Variants in NRXN3 observed in about 807,000 individuals in gnomAD.
NRXN3 encodes neurexin III.
In NRXN3, 32 loss-of-function variants were observed where a neutral mutation model predicts 137.6. The observed-to-expected ratio is 0.23, with a 90% confidence interval of 0.18 to 0.31. NRXN3 has a LOEUF of 0.31. Among genes scored for constraint, NRXN3 ranks in the 10% least tolerant of loss-of-function variants. The probability of loss-of-function intolerance (pLI) is 1.00; values close to 1 mark genes in which losing one functional copy is unlikely to be tolerated. For missense variants in NRXN3, 1,574 were observed against 2,062.5 expected (o/e 0.76, Z 4.59); for synonymous variants, 798 against 784.5 (o/e 1.02, Z -0.29).
At chr14:78,527,837 A>G (rs961070724) in intron 4 of NRXN3, among the ~76,000 whole-genome samples, 5 of 152,236 alleles carry the variant, frequency 3.3e-5, no homozygotes, top group African/African-American at 1.2e-4. Flanking sequence ...CTTATTGAGA[A>G]GAAATGCCTT....
At chr14:79,364,412 G>T (rs2093799373) in intron 15 of NRXN3, among the ~76,000 whole-genome samples, 1 of 152,156 alleles carries the variant, frequency 6.6e-6, no homozygotes, top group Non-Finnish European at 1.5e-5. Flanking sequence ...TCACTTCGAA[G>T]TATGGGATGC....
chr14:78,840,161 G>T (rs1041900335), intron 10 of NRXN3, among the ~76,000 whole-genome samples: 3 of 152,126 alleles, frequency 2.0e-5, no homozygotes, highest in Admixed American at 1.3e-4. Context: ...AAGTAGGAAT[G>T]GACATAAAGA....
intron 15 of NRXN3, among the ~76,000 whole-genome samples, chr14:79,251,107 T>G (rs2075861560): frequency 6.6e-6 from 1 of 152,214 alleles, no homozygotes; most frequent in African/African-American, 2.4e-5. Flanking sequence ...AATACTATTA[T>G]GCAGAGTTAG....
At position 78,464,887 on chromosome 14, in the gene NRXN3, A is replaced by G. The variant is rs530258823; in HGVS notation, c.757+167027A>G. 2.4e-4 allele frequency among the ~76,000 whole-genome samples: 36 copies of G among 152,320 alleles called. 1 individual carries two copies. The South Asian group carries it at 7.0e-3, about 30-fold the overall frequency. On this transcript the variant is annotated intron_variant, in intron 4 of 20. Coordinates refer to ENST00000335750, the MANE Select transcript of NRXN3 (RefSeq NM_001330195.2). ...CTCATCATTCCTCCTCCGAATTCTC[A>G]GTCGTATTCTTACTTATCCATTATC...
At chr14:78,221,515 G>A (rs1300304939) in intron 1 of NRXN3, among the ~76,000 whole-genome samples, 1 of 152,174 alleles carries the variant, frequency 6.6e-6, no homozygotes, top group Non-Finnish European at 1.5e-5. Context: ...GTGGATGTGG[G>A]AGAGTAATCT....
intron 16 of NRXN3, among the ~76,000 whole-genome samples, chr14:79,568,884 T>C (rs1169532900): frequency 1.3e-5 from 2 of 152,160 alleles, no homozygotes; most frequent in Non-Finnish European, 2.9e-5. Context: ...TGGCTAATAA[T>C]TGTGCTCTGA....
intron 14 of NRXN3, among the ~76,000 whole-genome samples, chr14:78,970,596 C>T (rs2099434415): frequency 6.6e-6 from 1 of 152,030 alleles, no homozygotes; most frequent in Admixed American, 6.6e-5. Flanking sequence ...GAGGTCTAAG[C>T]TTTATAAAAG....
intron 15 of NRXN3, among the ~76,000 whole-genome samples, chr14:79,333,240 A>G (rs1405871135): frequency 1.3e-5 from 2 of 151,978 alleles, no homozygotes; most frequent in African/African-American, 4.8e-5. Flanking sequence ...GACTCTAATA[A>G]GAAAAGAGTC....
At chr14:79,161,772 G>A (rs1245629540) in intron 15 of NRXN3, among the ~76,000 whole-genome samples, 1 of 151,914 alleles carries the variant, frequency 6.6e-6, no homozygotes, top group East Asian at 1.9e-4. Context: ...GGGAGACAGG[G>A]AGCTGTCCGT....
At chr14:79,240,376 C>T (rs984566403) in intron 15 of NRXN3, among the ~76,000 whole-genome samples, 1 of 152,088 alleles carries the variant, frequency 6.6e-6, no homozygotes, top group Non-Finnish European at 1.5e-5. Flanking sequence ...CAAAGGTAGC[C>T]TCTCTTGGGA....
At chr14:79,801,117 C>G (rs2099178341) in intron 19 of NRXN3, among the ~76,000 whole-genome samples, 1 of 152,160 alleles carries the variant, frequency 6.6e-6, no homozygotes, top group Non-Finnish European at 1.5e-5. Context: ...ATGTTTGTAA[C>G]TGCTTTGGGA....
intron 4 of NRXN3, among the ~76,000 whole-genome samples, chr14:78,437,326 TTTTTC>T (rs1046241288): frequency 1.3e-5 from 2 of 151,374 alleles, no homozygotes; most frequent in Non-Finnish European, 2.9e-5. Flanking sequence ...GTGGTTTATT[TTTTTC>T]TTTTCTTTTC....
intron 6 of NRXN3, among the ~76,000 whole-genome samples, chr14:78,653,990 T>G (rs2097766941): frequency 6.6e-6 from 1 of 152,236 alleles, no homozygotes; most frequent in Non-Finnish European, 1.5e-5. Flanking sequence ...GATAAACTCC[T>G]GCCCCGTCTG....
chr14:79,125,938 A>C (rs2056349615), intron 15 of NRXN3, among the ~76,000 whole-genome samples: 1 of 152,124 alleles, frequency 6.6e-6, no homozygotes, highest in Non-Finnish European at 1.5e-5. Flanking sequence ...CGTTAAAAGC[A>C]TGTTTTCTAC....
At position 79,486,913 on chromosome 14, in the gene NRXN3, TTCTCTCTCTCTCTCTCTCTCTCTC is replaced by T. The variant is rs58861355; in HGVS notation, c.3444+19536_3444+19559del. Among the ~76,000 whole-genome samples the T allele has an allele frequency of 9.6e-4, 123 of 128,546 alleles. 1 individual carries two copies. The highest frequency in any genetic ancestry group is 3.9e-3 in the African/African-American group (115 of 29,774). The allele number at this position is 128,546 out of a possible 152,430, so 84.3% of individuals were successfully genotyped here. On this transcript the variant is annotated intron_variant, in intron 16 of 20. Transcript: ENST00000335750. ...CCTTCTATTAAACTCTCTTTACAGG[TTCTCTCTCTCTCTCTCTCTCTCTC>T]TCTCTCTCTCTCTCTCTCTCTCTCC...
chr14:79,824,033 G>T (rs2099281598), intron 20 of NRXN3: 1 of 369,486 alleles, frequency 2.7e-6, no homozygotes. Context: ...ACACGAAGTG[G>T]CTTTCACCAG....
intron 15 of NRXN3, among the ~76,000 whole-genome samples, chr14:79,230,482 A>G (rs751407121): frequency 5.3e-5 from 8 of 152,172 alleles, no homozygotes; most frequent in Non-Finnish European, 1.0e-4. Context: ...TGAGGCATCA[A>G]TCTACCTTCT....
At chr14:79,174,501 T>TTATA (rs68143466) in intron 15 of NRXN3, among the ~76,000 whole-genome samples, 325 of 143,530 alleles carry the variant, frequency 2.3e-3, no homozygotes, top group African/African-American at 7.3e-3. Flanking sequence ...ATTGAAAGTT[T>TTATA]TATATATATA....
At chr14:78,951,303 G>A (rs968323764) in intron 10 of NRXN3, among the ~76,000 whole-genome samples, 2 of 152,062 alleles carry the variant, frequency 1.3e-5, no homozygotes, top group Admixed American at 6.6e-5. Context: ...GAGCTTTCAG[G>A]TTTGTACCAT....
Sources: allele counts gnomAD v4.1 joint callset (sites outside exome capture counted in the v4.1 genomes callset), GRCh38; gene constraint gnomAD v4.1.1; transcripts MANE v1.5; gene names NCBI Gene and HGNC (gene_info 2026-07-23, HGNC 2026-07-21).